MTUS2: variants seen among roughly 807,000 people sequenced by gnomAD.
MTUS2 encodes microtubule associated scaffold protein 2, also known as microtubule-associated tumor suppressor candidate 2.
In MTUS2, 40 loss-of-function variants were observed where a neutral mutation model predicts 114.1. The ratio of observed to expected loss-of-function variants is 0.35; its 90% CI spans 0.27 to 0.46. MTUS2 has a LOEUF of 0.46. Ranked by LOEUF, MTUS2 falls within the 20% of genes least tolerant of loss-of-function variation. The pLI is 1.00. For synonymous variants in MTUS2, 688 were observed against 672.0 expected, an observed-to-expected ratio of 1.02 and a Z score of -0.37; for missense variants, 1,679 against 1,705.4, an observed-to-expected ratio of 0.98 and a Z score of 0.27.
intron 9 of MTUS2, among the ~76,000 whole-genome samples, chr13:29,462,245 T>C (rs898794236): frequency 6.6e-6 from 1 of 152,098 alleles, no homozygotes; most frequent in Admixed American, 6.6e-5. Flanking sequence ...AATGGCAAAG[T>C]GTGGCTGGAG....
intron 2 of MTUS2, among the ~76,000 whole-genome samples, chr13:28,946,833 G>A (rs897682280): frequency 6.6e-6 from 1 of 152,098 alleles, no homozygotes; most frequent in African/African-American, 2.4e-5. Flanking sequence ...TCCAGGTGGA[G>A]CCACCACACC....
chr13:28,944,461 C>G (rs956060438), intron 2 of MTUS2, among the ~76,000 whole-genome samples: 1 of 152,136 alleles, frequency 6.6e-6, no homozygotes, highest in Non-Finnish European at 1.5e-5. Flanking sequence ...ATAGATATTA[C>G]AGAGTGCTAG....
chr13:29,409,272 C>A (rs1190889222), intron 8 of MTUS2, among the ~76,000 whole-genome samples: 1 of 151,974 alleles, frequency 6.6e-6, no homozygotes, highest in Admixed American at 6.6e-5. Context: ...GCTGAGATTG[C>A]GCCACTGTAC....
chr13:29,018,754 G>A (rs371973990), intron 2 of MTUS2, among the ~76,000 whole-genome samples: 113 of 150,908 alleles, frequency 7.5e-4, no homozygotes, highest in African/African-American at 2.6e-3. Flanking sequence ...AGTGAGATTC[G>A]GTCTCCAGCC....
chr13:29,328,373 T>G (rs1900618311), intron 7 of MTUS2, among the ~76,000 whole-genome samples: 1 of 152,220 alleles, frequency 6.6e-6, no homozygotes, highest in African/African-American at 2.4e-5. Flanking sequence ...AGACATGAAT[T>G]GCAGGAAAAT....
At chr13:29,181,602 G>T (rs1385849498) in intron 5 of MTUS2, among the ~76,000 whole-genome samples, 17 of 152,132 alleles carry the variant, frequency 1.1e-4, no homozygotes, top group Admixed American at 1.1e-3. Context: ...GTTTTGAAGA[G>T]ATTTGTTTAA....
At chr13:29,411,416 A>G (rs1230040005) in intron 8 of MTUS2, among the ~76,000 whole-genome samples, 4 of 152,180 alleles carry the variant, frequency 2.6e-5, no homozygotes, top group African/African-American at 9.7e-5. Flanking sequence ...TTTCTGTTCT[A>G]TTCCACCAGT....
intron 5 of MTUS2, among the ~76,000 whole-genome samples, chr13:29,139,894 G>A (rs957946443): frequency 1.3e-5 from 2 of 152,090 alleles, no homozygotes; most frequent in Non-Finnish European, 2.9e-5. Context: ...TTCCTCTGGC[G>A]CTCTCTCCAT....
chr13:28,905,196 G>C (rs1879914397), intron 2 of MTUS2, among the ~76,000 whole-genome samples: 1 of 151,732 alleles, frequency 6.6e-6, no homozygotes, highest in African/African-American at 2.4e-5. Flanking sequence ...CATGTCATCT[G>C]CAAACAGAGA....
intron 4 of MTUS2, among the ~76,000 whole-genome samples, chr13:29,091,519 A>G (rs1333307636): frequency 2.0e-5 from 3 of 151,840 alleles, no homozygotes; most frequent in African/African-American, 7.3e-5. Flanking sequence ...TCCATTAATG[A>G]CCACTCTTTC....
intron 5 of MTUS2, among the ~76,000 whole-genome samples, chr13:29,146,274 T>C (rs1892431080): frequency 6.6e-6 from 1 of 152,236 alleles, no homozygotes; most frequent in Non-Finnish European, 1.5e-5. Flanking sequence ...ATCTGTATTT[T>C]AGAAATTGAG....
At chr13:28,835,225 C>G (rs1276325390) in intron 1 of MTUS2, among the ~76,000 whole-genome samples, 1 of 152,082 alleles carries the variant, frequency 6.6e-6, no homozygotes, top group Non-Finnish European at 1.5e-5. Flanking sequence ...TGAATGTGTA[C>G]ATAGGAGCCT....
At chr13:28,864,266 A>G (rs1020063587) in intron 2 of MTUS2, among the ~76,000 whole-genome samples, 1 of 152,226 alleles carries the variant, frequency 6.6e-6, no homozygotes, top group African/African-American at 2.4e-5. Context: ...GTTGTTAACT[A>G]CATGCTCATC....
chr13:28,866,967 A>C (rs1441604833), intron 2 of MTUS2, among the ~76,000 whole-genome samples: 1 of 152,232 alleles, frequency 6.6e-6, no homozygotes, highest in Admixed American at 6.5e-5. Flanking sequence ...ATCACAATGC[A>C]ACATCTTACA....
intron 5 of MTUS2, among the ~76,000 whole-genome samples, chr13:29,181,819 TGTG>T: frequency 6.6e-6 from 1 of 151,614 alleles, no homozygotes; most frequent in South Asian, 2.1e-4. Flanking sequence ...TGTGTGTGTG[TGTG>T]TACTGGAGTG....
At chr13:29,479,108 G>C (rs1880952223) in intron 9 of MTUS2, among the ~76,000 whole-genome samples, 1 of 152,176 alleles carries the variant, frequency 6.6e-6, no homozygotes, top group African/African-American at 2.4e-5. Context: ...CACCACTAGG[G>C]TGTGGATTAC....
At chr13:29,212,242 G>A (rs1895472166) in intron 5 of MTUS2, among the ~76,000 whole-genome samples, 1 of 151,824 alleles carries the variant, frequency 6.6e-6, no homozygotes, top group Non-Finnish European at 1.5e-5. Context: ...ACATATTTAG[G>A]GACCTCTCAG....
At chr13:29,453,446 T>C (rs2138749932) in intron 9 of MTUS2, among the ~76,000 whole-genome samples, 1 of 152,306 alleles carries the variant, frequency 6.6e-6, no homozygotes, top group Admixed American at 6.5e-5. Context: ...AAAAGAAAGA[T>C]GTGACCAGGG....
At chr13:29,132,368 A>G (rs897688070) in intron 5 of MTUS2, among the ~76,000 whole-genome samples, 2 of 152,192 alleles carry the variant, frequency 1.3e-5, no homozygotes, top group Non-Finnish European at 2.9e-5. Flanking sequence ...TTATTGTGGT[A>G]GAATACACAC....
Sources: allele counts gnomAD v4.1 joint callset (sites outside exome capture counted in the v4.1 genomes callset), GRCh38; gene constraint gnomAD v4.1.1; transcripts MANE v1.5; gene names NCBI Gene and HGNC (gene_info 2026-07-23, HGNC 2026-07-21).